The following BNC2 variants were observed in gnomAD, a reference collection of about 807,000 sequenced individuals.
BNC2 encodes the protein zinc finger protein basonuclin-2.
BNC2 carries 20 observed loss-of-function variants against 76.3 expected under a neutral mutation model. The ratio of observed to expected loss-of-function variants is 0.26; its 90% CI spans 0.18 to 0.38. The LOEUF is 0.38. Ranked by LOEUF, BNC2 falls within the 10% of genes least tolerant of loss-of-function variation. BNC2 has a pLI of 1.00. For missense variants in BNC2, 1,382 were observed against 1,399.8 expected (o/e 0.99, Z 0.20); for synonymous variants, 582 against 514.8 (o/e 1.13, Z -1.77).
At chr9:16,616,316 T>C (rs530757758) in intron 3 of BNC2, among the ~76,000 whole-genome samples, 103 of 151,594 alleles carry the variant, frequency 6.8e-4, no homozygotes, top group African/African-American at 2.5e-3. Context: ...TGCTTGAGCC[T>C]CGGATGTTGA....
chr9:16,742,852 A>G (rs1256424970), intron 1 of BNC2, among the ~76,000 whole-genome samples: 2 of 152,212 alleles, frequency 1.3e-5, no homozygotes, highest in African/African-American at 4.8e-5. Context: ...ATAAGAGTCA[A>G]TAAACTAACT....
At chr9:16,863,201 C>A (rs1819455621) in intron 1 of BNC2, among the ~76,000 whole-genome samples, 2 of 152,272 alleles carry the variant, frequency 1.3e-5, no homozygotes, top group Admixed American at 1.3e-4. Context: ...GCATGAGCCA[C>A]CACGCCCTGC....
chr9:16,439,596 G>T (rs1587028052), intron 5 of BNC2, among the ~76,000 whole-genome samples: 1 of 152,318 alleles, frequency 6.6e-6, no homozygotes, highest in East Asian at 1.9e-4. Flanking sequence ...GATCTGTACT[G>T]CTTTTGCAAG....
At chr9:16,423,177 T>A (rs1820741491) in intron 6 of BNC2, among the ~76,000 whole-genome samples, 1 of 152,208 alleles carries the variant, frequency 6.6e-6, no homozygotes, top group Non-Finnish European at 1.5e-5. Context: ...AGAGATGGTT[T>A]TTCTAGAAAC....
At chr9:16,507,572 G>A (rs1587111154) in intron 5 of BNC2, among the ~76,000 whole-genome samples, 2 of 152,256 alleles carry the variant, frequency 1.3e-5, no homozygotes, top group South Asian at 4.1e-4. Flanking sequence ...GGGACTACAG[G>A]CACGCACCAC....
intron 5 of BNC2, among the ~76,000 whole-genome samples, chr9:16,491,759 GCA>G (rs1822284608): frequency 6.6e-6 from 1 of 152,170 alleles, no homozygotes; most frequent in Non-Finnish European, 1.5e-5. Context: ...TTATTTCACT[GCA>G]GTTTAGTTTC....
chr9:16,690,179 T>A (rs936567069), intron 3 of BNC2, among the ~76,000 whole-genome samples: 18 of 152,092 alleles, frequency 1.2e-4, no homozygotes, highest in African/African-American at 3.6e-4. Flanking sequence ...TGCTCACTGA[T>A]CAGAAAGCAA....
At chr9:16,721,992 A>C (rs1306205815) in intron 3 of BNC2, among the ~76,000 whole-genome samples, 1 of 152,214 alleles carries the variant, frequency 6.6e-6, no homozygotes, top group Non-Finnish European at 1.5e-5. Flanking sequence ...TCACGTTTAC[A>C]AGGAAAATCC....
chr9:16,625,358 G>GTT, intron 3 of BNC2, among the ~76,000 whole-genome samples: 1 of 151,746 alleles, frequency 6.6e-6, no homozygotes, highest in Non-Finnish European at 1.5e-5. Context: ...CAACTGGCAG[G>GTT]GCCACCTGCA....
At chr9:16,760,178 A>C (rs1422094316) in intron 1 of BNC2, among the ~76,000 whole-genome samples, 1 of 152,208 alleles carries the variant, frequency 6.6e-6, no homozygotes, top group Admixed American at 6.5e-5. Context: ...AATCAGCTTC[A>C]TTTTAAAACT....
At chr9:16,800,897 G>C (rs1249149308) in intron 1 of BNC2, among the ~76,000 whole-genome samples, 1 of 152,228 alleles carries the variant, frequency 6.6e-6, no homozygotes, top group African/African-American at 2.4e-5. Context: ...AAAAAGGGAA[G>C]CTATTCTATC....
intron 3 of BNC2, among the ~76,000 whole-genome samples, chr9:16,623,590 T>C (rs1009767599): frequency 6.6e-6 from 1 of 152,320 alleles, no homozygotes; most frequent in South Asian, 2.1e-4. Flanking sequence ...ATATGATGTG[T>C]AGCTGATTTT....
intron 3 of BNC2, among the ~76,000 whole-genome samples, chr9:16,661,153 T>C (rs1822100053): frequency 6.6e-6 from 1 of 152,226 alleles, no homozygotes; most frequent in Admixed American, 6.5e-5. Context: ...GGTTCCTTTC[T>C]TCATTCCTAG....
intron 4 of BNC2, among the ~76,000 whole-genome samples, chr9:16,568,611 C>A (rs2132800251): frequency 2.0e-5 from 3 of 152,186 alleles, no homozygotes; most frequent in Admixed American, 2.0e-4. Context: ...TCAATCCTTT[C>A]CCATTGTAAG....
intron 3 of BNC2, among the ~76,000 whole-genome samples, chr9:16,618,869 C>A (rs181463070): frequency 6.6e-6 from 1 of 152,092 alleles, no homozygotes; most frequent in Non-Finnish European, 1.5e-5. Context: ...TAAGAAAAGG[C>A]GCCCTTCTAA....
At chr9:16,855,569 G>A (rs1462994683) in intron 1 of BNC2, among the ~76,000 whole-genome samples, 1 of 152,198 alleles carries the variant, frequency 6.6e-6, no homozygotes, top group East Asian at 1.9e-4. Context: ...ACGGAGTCTC[G>A]CTCTGTCGCC....
intron 6 of BNC2, chr9:16,421,345 G>A: frequency 8.6e-7 from 1 of 1,162,000 alleles, no homozygotes. Flanking sequence ...GAGAGAGAAA[G>A]AAAGAGAAAG....
At chr9:16,821,985 C>T (rs778929758) in intron 1 of BNC2, among the ~76,000 whole-genome samples, 1 of 148,392 alleles carries the variant, frequency 6.7e-6, no homozygotes, top group Non-Finnish European at 1.5e-5. Flanking sequence ...CCCAGCTACT[C>T]GGGAGGCTGA....
chr9:16,614,940 A>C (rs1820654348), intron 3 of BNC2, among the ~76,000 whole-genome samples: 1 of 139,754 alleles, frequency 7.2e-6, no homozygotes, highest in Admixed American at 7.5e-5. Flanking sequence ...TGGATGACAG[A>C]GTGAGACTCT....
Sources: allele counts gnomAD v4.1 joint callset (sites outside exome capture counted in the v4.1 genomes callset), GRCh38; gene constraint gnomAD v4.1.1; transcripts MANE v1.5; gene names NCBI Gene and HGNC (gene_info 2026-07-23, HGNC 2026-07-21).